Variants in ZFAT observed in about 807,000 individuals in gnomAD.
The protein encoded by ZFAT is zinc finger protein ZFAT.
A neutral mutation model predicts 117.7 loss-of-function variants in ZFAT; 64 were observed. That is an observed-to-expected ratio of 0.54 (90% CI 0.44 to 0.67). The LOEUF is 0.67. ZFAT is among the 30% of genes least tolerant of loss of function. The pLI is 0.00. For missense variants in ZFAT, 1,433 were observed against 1,584.5 expected (o/e 0.90, Z 1.62); for synonymous variants, 679 against 615.0 (o/e 1.10, Z -1.54).
the ZFAT span, among the ~76,000 whole-genome samples, chr8:134,774,945 C>T: frequency 1.3e-5 from 2 of 152,018 alleles, no homozygotes; most frequent in Non-Finnish European, 2.9e-5. Context: ...GGTGAAACCC[C>T]ATCTCTACTA....
In ZFAT at chr8:134,502,981, G is replaced by A. The variant is rs564339062; in HGVS notation, c.3492+6638C>T. ...AGGCACTAAAACTGGCAGGCAGTGT[G>A]TGTGACACCCCATCCCCACCCCAGG... On this transcript the variant is annotated intron_variant, in intron 15 of 15. Coordinates refer to ENST00000377838, the MANE Select transcript of ZFAT (RefSeq NM_020863.4). Among the ~76,000 whole-genome samples, 31 of 152,358 alleles carry A rather than the reference G, an allele frequency of 2.0e-4. No individual in the cohort carries two copies. The South Asian group carries it at 3.3e-3, about 16-fold the overall frequency.
the ZFAT span, among the ~76,000 whole-genome samples, chr8:134,732,021 G>GCCCAGCTCTGTCTGATCCTGAC: frequency 6.6e-6 from 1 of 152,202 alleles, no homozygotes; most frequent in Admixed American, 6.5e-5. Context: ...TGCCACCTGA[G>GCCCAGCTCTGTCTGATCCTGAC]CCCAGCTCTG....
rs985109978 is a variant in ZFAT at position 134,479,528 on chromosome 8, G to A, written c.3493-807C>T. 1.3e-5 allele frequency among the ~76,000 whole-genome samples: 2 copies of A among 152,306 alleles called. 1 individual carries two copies. The highest frequency in any genetic ancestry group is 1.3e-4 in the Admixed American group (2 of 15,308). ...AAATAACAACTGTCTTTGATCTTGA[G>A]ATGAGAAACAAAAGACATGGAGTTG... On this transcript the variant is annotated intron_variant, in intron 15 of 15. Coordinates refer to ENST00000377838, the MANE Select transcript of ZFAT (RefSeq NM_020863.4).
At chr8:134,519,537 A>G (rs1820495753) in intron 13 of ZFAT, among the ~76,000 whole-genome samples, 1 of 152,230 alleles carries the variant, frequency 6.6e-6, no homozygotes, top group African/African-American at 2.4e-5. Context: ...TAACTGTTGT[A>G]TGTTGATATT....
the ZFAT span, among the ~76,000 whole-genome samples, chr8:134,782,760 G>A: frequency 1.3e-5 from 2 of 151,928 alleles, no homozygotes; most frequent in African/African-American, 4.8e-5. Context: ...CCAGCCACGT[G>A]GAACTATGAG....
At chr8:134,670,674 A>T (rs1261014181) in intron 1 of ZFAT, among the ~76,000 whole-genome samples, 1 of 152,268 alleles carries the variant, frequency 6.6e-6, no homozygotes, top group Non-Finnish European at 1.5e-5. Context: ...TTGACACCCT[A>T]ACGTCACAAT....
intron 3 of ZFAT, among the ~76,000 whole-genome samples, chr8:134,622,080 C>T (rs942497700): frequency 3.6e-4 from 55 of 152,260 alleles, no homozygotes; most frequent in African/African-American, 1.2e-3. Flanking sequence ...TCAGGAAACA[C>T]TGGCTGCATG....
chr8:134,757,708 T>G, the ZFAT span, among the ~76,000 whole-genome samples: 1 of 152,138 alleles, frequency 6.6e-6, no homozygotes, highest in African/African-American at 2.4e-5. Context: ...AAAAACAGAC[T>G]CAGGATAAGT....
chr8:134,682,987 C>A (rs931213751), intron 1 of ZFAT, among the ~76,000 whole-genome samples: 1 of 152,218 alleles, frequency 6.6e-6, no homozygotes, highest in African/African-American at 2.4e-5. Context: ...CCTTAAGGCA[C>A]CTCTGTGAGA....
chr8:134,535,997 C>T (rs1821808062), intron 11 of ZFAT, among the ~76,000 whole-genome samples: 1 of 152,114 alleles, frequency 6.6e-6, no homozygotes, highest in Non-Finnish European at 1.5e-5. Flanking sequence ...GTCCTGCAAA[C>T]CCAGCTTCAG....
At chr8:134,659,607 T>C (rs929450111) in intron 1 of ZFAT, among the ~76,000 whole-genome samples, 2 of 152,208 alleles carry the variant, frequency 1.3e-5, no homozygotes, top group Admixed American at 6.5e-5. Flanking sequence ...CTCTGATGAT[T>C]GTTCTCCAGG....
intron 15 of ZFAT, among the ~76,000 whole-genome samples, chr8:134,499,849 G>A (rs1051631347): frequency 2.0e-5 from 3 of 152,208 alleles, no homozygotes; most frequent in African/African-American, 7.2e-5. Flanking sequence ...TGCTGACAGG[G>A]CAGACGTCCG....
chr8:134,734,078 T>C, the ZFAT span, among the ~76,000 whole-genome samples: 1 of 152,240 alleles, frequency 6.6e-6, no homozygotes, highest in Non-Finnish European at 1.5e-5. Flanking sequence ...GACGCCGTTA[T>C]TAAGGGGTTT....
chr8:134,526,064 A>G (rs1821005727), intron 12 of ZFAT, among the ~76,000 whole-genome samples: 1 of 152,272 alleles, frequency 6.6e-6, no homozygotes, highest in Non-Finnish European at 1.5e-5. Flanking sequence ...TGTTGTTGTT[A>G]AGCTGATGTT....
intron 12 of ZFAT, among the ~76,000 whole-genome samples, chr8:134,524,096 G>C (rs1820853565): frequency 6.6e-6 from 1 of 152,106 alleles, no homozygotes; most frequent in African/African-American, 2.4e-5. Context: ...CTGGGTCTTG[G>C]CAAGTCCTCT....
chr8:134,488,450 G>A (rs1429689472), intron 15 of ZFAT, among the ~76,000 whole-genome samples: 40 of 152,316 alleles, frequency 2.6e-4, no homozygotes, highest in Non-Finnish European at 2.9e-5. Flanking sequence ...AAGACAAATC[G>A]AGGTGGCCTC....
At chr8:134,486,206 C>T (rs963238407) in intron 15 of ZFAT, among the ~76,000 whole-genome samples, 6 of 152,340 alleles carry the variant, frequency 3.9e-5, no homozygotes, top group South Asian at 4.1e-4. Context: ...CTGCCGCCAA[C>T]GCAGCTGCCT....
At chr8:134,637,345 G>T in intron 3 of ZFAT, 116 bp downstream of exon 3, 1 of 1,331,722 alleles carries the variant, frequency 7.5e-7, no homozygotes, top group Non-Finnish European at 1.0e-6. Context: ...CCAGATGGGT[G>T]AGAGCTGAAT....
rs200572177 is a variant in ZFAT, at chr8:134,606,560, CA to C, written c.785+2168del. 2.4e-3 allele frequency among the ~76,000 whole-genome samples: 351 copies of C among 149,226 alleles called. 7 individuals are homozygous for C. The highest frequency in any genetic ancestry group is 0.015 in the Admixed American group (230 of 15,028). On this transcript the variant is annotated intron_variant, in intron 5 of 15. Coordinates refer to ENST00000377838, the MANE Select transcript of ZFAT (RefSeq NM_020863.4). ...TGAAACCCCAACTCTACTGAAAATC[CA>C]AAAAAAAAGCTGGCCGTGGTGGTGC...
Sources: gnomAD v4.1 joint callset for allele counts (sites outside exome capture counted in the v4.1 genomes callset) on GRCh38, gnomAD v4.1.1 for gene constraint, MANE v1.5 for transcripts, NCBI Gene and HGNC (gene_info 2026-07-23, HGNC 2026-07-21) for gene names.